Variants in TRIP13 observed in about 807,000 individuals in gnomAD.
TRIP13 encodes pachytene checkpoint protein 2 homolog.
TRIP13 carries 25 observed loss-of-function variants against 54.4 expected under a neutral mutation model. That is an observed-to-expected ratio of 0.46 (90% CI 0.33 to 0.64). TRIP13 has a LOEUF of 0.64. TRIP13 is among the 30% of genes least tolerant of loss of function. The probability of loss-of-function intolerance (pLI) is 0.02; values close to 1 mark genes in which losing one functional copy is unlikely to be tolerated. For synonymous variants in TRIP13, 207 were observed against 207.8 expected (o/e 1.00, Z 0.03); for missense variants, 373 against 534.2 (o/e 0.70, Z 2.97).
intron 12 of TRIP13, 80 bp downstream of exon 12, chr5:916,053 G>T: frequency 7.2e-7 from 1 of 1,396,796 alleles, no homozygotes; most frequent in Admixed American, 1.7e-5. Context: ...TAGTAGCCCT[G>T]GGGTATCAGC....
Position 907,948 on chromosome 5 carries a change from G to T in TRIP13, c.673-40G>T. 6.3e-7 allele frequency: 1 copy of T among 1,599,656 alleles called. No homozygotes were observed. The highest frequency in any genetic ancestry group is 1.7e-5 in the Admixed American group (1 of 60,010). On this transcript the variant is annotated intron_variant, in intron 7 of 12. Transcript: ENST00000166345. The surrounding 1 kb of genome is among the most constrained non-coding windows in gnomAD (Gnocchi z 4.1). ...GTCCCCCTGTGCACCTGGCAGTGTGGTCCCTGCACGTTGACACTAAAAGGG... is the reference window on the plus strand; with the variant it reads ...GTCCCCCTGTGCACCTGGCAGTGTGTTCCCTGCACGTTGACACTAAAAGGG...
rs1450811633 is a variant in TRIP13, at chr5:912,277, T to C, written c.1020+281T>C. ...AGGGGACGTCAGTGACCGGCTGTGT[T>C]TACCTGGCTGGCTGCACAAACCTTA... On this transcript the variant is annotated intron_variant, in intron 10 of 12. Coordinates refer to ENST00000166345, the MANE Select transcript of TRIP13 (RefSeq NM_004237.4). The surrounding 1 kb of genome is among the most constrained non-coding windows in gnomAD (Gnocchi z 7.2). Among the ~76,000 whole-genome samples, 1 of 151,932 alleles carries C rather than the reference T, an allele frequency of 6.6e-6. No homozygotes were observed. Among genetic ancestry groups the C allele is most frequent in the African/African-American group, 2.4e-5 (1 of 41,354 alleles).
At chr5:916,175 C>T (rs1035078735) in intron 12 of TRIP13, among the ~76,000 whole-genome samples, 4 of 152,210 alleles carry the variant, frequency 2.6e-5, no homozygotes, top group Non-Finnish European at 5.9e-5. Context: ...GCGGCTGTGC[C>T]ACATGCCTCT....
intron 9 of TRIP13, among the ~76,000 whole-genome samples, chr5:910,261 C>T (rs777929155): frequency 6.6e-6 from 1 of 152,230 alleles, no homozygotes; most frequent in Admixed American, 6.5e-5. Context: ...CCCTGAATCT[C>T]TTTGTGCCTC....
At chr5:905,280 C>T (rs907707182) in intron 6 of TRIP13, among the ~76,000 whole-genome samples, 1 of 152,152 alleles carries the variant, frequency 6.6e-6, no homozygotes, top group Non-Finnish European at 1.5e-5. Flanking sequence ...CTCCTCTCAG[C>T]CTGTGTGAGG....
rs1754052301 is a variant in TRIP13, at chr5:904,004, T to C, written c.536-144T>C. 6.0e-6 allele frequency: 4 copies of C among 666,446 alleles called. No individual in the cohort carries two copies. In the Admixed American group the frequency reaches 1.5e-4, roughly 24 times the overall value. The allele number at this position is 666,446 out of a possible 1,614,324, so 41.3% of individuals were successfully genotyped here. On this transcript the variant is annotated intron_variant, in intron 5 of 12. Coordinates refer to ENST00000166345, the MANE Select transcript of TRIP13 (RefSeq NM_004237.4). ...GGTAATATTTCATAGCATTTAAGTTTCTAAGCAGACTTCATTGTAGTAATA... is the reference window on the plus strand; with the variant it reads ...GGTAATATTTCATAGCATTTAAGTTCCTAAGCAGACTTCATTGTAGTAATA...
chr5:910,375 G>A (rs1254801056), intron 9 of TRIP13, among the ~76,000 whole-genome samples: 1 of 152,170 alleles, frequency 6.6e-6, no homozygotes, highest in African/African-American at 2.4e-5. Context: ...CCTGGCGTGT[G>A]CCCCTTCAGC....
downstream of TRIP13, chr5:919,158 A>G (rs1175934270): frequency 1.3e-5 from 2 of 152,240 alleles, no homozygotes; most frequent in Non-Finnish European, 2.9e-5. Flanking sequence ...GAGGATGAGT[A>G]TGGGTGAGGT....
intron 2 of TRIP13, among the ~76,000 whole-genome samples, chr5:896,180 G>A (rs776065428): frequency 6.6e-6 from 1 of 152,186 alleles, no homozygotes; most frequent in African/African-American, 2.4e-5. Flanking sequence ...CAGTGCGGTG[G>A]CGCACACTTG....
rs138329487 is a variant in TRIP13, at chr5:912,800, T to C, written c.1020+804T>C. Among the ~76,000 whole-genome samples the C allele has an allele frequency of 1.9e-3, 284 of 152,350 alleles. No homozygotes were observed. Among genetic ancestry groups the C allele is most frequent in the African/African-American group, 6.3e-3 (263 of 41,580 alleles). On this transcript the variant is annotated intron_variant, in intron 10 of 12. Transcript: ENST00000166345. This position sits in a 1 kb window ranked among gnomAD's most constrained non-coding sequence, Gnocchi z 7.2. The stretch of plus-strand genomic sequence containing the variant: ...TGCCCCATGCTTGTGTTTCTGCTGC[T>C]CTAGCCCCTGTGGGAACAGACCTGT...
intron 9 of TRIP13, among the ~76,000 whole-genome samples, chr5:909,284 C>A (rs80166273): frequency 6.6e-6 from 1 of 152,168 alleles, no homozygotes; most frequent in African/African-American, 2.4e-5. Flanking sequence ...AAGTGATGGG[C>A]GAGCCAGAAC....
rs1442500909 is a variant in TRIP13 at position 913,441 on chromosome 5, C to T, written c.1021-1024C>T. Among the ~76,000 whole-genome samples, 3 of 152,142 alleles carry T rather than the reference C, an allele frequency of 2.0e-5. No homozygotes were observed. Among genetic ancestry groups the T allele is most frequent in the African/African-American group, 4.8e-5 (2 of 41,418 alleles). ...TGCCATCGCAGCTCACTGCAACCTC[C>T]GCCTCCTGGGTTCAAGCGATTCTCG... On this transcript the variant is annotated intron_variant, in intron 10 of 12. Coordinates refer to ENST00000166345, the MANE Select transcript of TRIP13 (RefSeq NM_004237.4). This position sits in a 1 kb window ranked among gnomAD's most constrained non-coding sequence, Gnocchi z 4.5.
chr5:896,825 G>A lies in TRIP13; in HGVS notation c.388+31G>A, dbSNP rs537715885. The A allele has an allele frequency of 1.9e-6, 3 of 1,605,786 alleles. No individual in the cohort carries two copies. The East Asian group carries it at 6.7e-5, about 36-fold the overall frequency. On this transcript the variant is annotated intron_variant, in intron 3 of 12. Coordinates refer to ENST00000166345, the MANE Select transcript of TRIP13 (RefSeq NM_004237.4). ...GGGTGTGATGGGAGTTGAAGGGGAG[G>A]CTGAGGTCAGAGGATTGTATACTCC...
rs922147806 is a variant in TRIP13 at position 911,427 on chromosome 5, C to T, written c.867-416C>T. Among the ~76,000 whole-genome samples, 10 of 152,264 alleles carry T rather than the reference C, an allele frequency of 6.6e-5. No homozygotes were observed. The East Asian group carries it at 7.7e-4, about 12-fold the overall frequency. On this transcript the variant is annotated intron_variant, in intron 9 of 12. Transcript: ENST00000166345. The surrounding 1 kb of genome is among the most constrained non-coding windows in gnomAD (Gnocchi z 4.7). ...TCCACTAAAAATACAAAAAATTAGC[C>T]GGGCACGGTGGCGGGCGCCTGTAGT...
At chr5:909,694 A>G (rs1301001587) in intron 9 of TRIP13, among the ~76,000 whole-genome samples, 1 of 152,260 alleles carries the variant, frequency 6.6e-6, no homozygotes, top group African/African-American at 2.4e-5. Flanking sequence ...GTATTTATTA[A>G]CAGCAAGCCA....
chr5:904,058 A>T, intron 5 of TRIP13, 90 bp from the exon 6 acceptor site: 1 of 1,197,010 alleles, frequency 8.4e-7, no homozygotes, highest in Non-Finnish European at 1.2e-6. Context: ...TGTATTCCTT[A>T]TATTTTATGG....
chr5:896,812 A>C lies in TRIP13; in HGVS notation c.388+18A>C. On this transcript the variant is annotated intron_variant, in intron 3 of 12. Coordinates refer to ENST00000166345, the MANE Select transcript of TRIP13 (RefSeq NM_004237.4). ...ACCTGCAGGTATGGGGTGTGATGGG[A>C]GTTGAAGGGGAGGCTGAGGTCAGAG... is the stretch of plus-strand genomic sequence containing the variant. The C allele has an allele frequency of 1.2e-6, 2 of 1,610,798 alleles. No individual in the cohort carries two copies. Among genetic ancestry groups the C allele is most frequent in the Non-Finnish European group, 1.7e-6 (2 of 1,178,204 alleles).
chr5:917,789 C>T lies in TRIP13; in HGVS notation c.*686C>T, dbSNP rs1253622432. ...TCCCTTGTAACCCGGTATGGGCGCC[C>T]CTGCATTGCTGGGATGTTTCTGCCC... On this transcript the variant is annotated 3_prime_UTR_variant, in exon 13 of 13. Transcript: ENST00000166345. The T allele has an allele frequency of 6.6e-6, 1 of 152,146 alleles. No homozygotes were observed. Among genetic ancestry groups the T allele is most frequent in the Non-Finnish European group, 1.5e-5 (1 of 68,038 alleles). The allele number at this position is 152,146 out of a possible 1,614,324, so 9.4% of individuals were successfully genotyped here.
In TRIP13 at chr5:914,820, C is replaced by CGT. The variant is rs58555902; in HGVS notation, c.1133+243_1133+244insGT. Among the ~76,000 whole-genome samples the CGT allele has an allele frequency of 0.089, 13,476 of 152,160 alleles. 911 individuals are homozygous for CGT. Among genetic ancestry groups the CGT allele is most frequent in the African/African-American group, 0.19 (8,000 of 41,468 alleles). On this transcript the variant is annotated intron_variant, in intron 11 of 12. Transcript: ENST00000166345. ...CTTGCTCAGGGAGGGCGCTGGCTCACACTGGAAGCCTGCAACCCTACGGCT... is the reference window on the plus strand; with the variant it reads ...CTTGCTCAGGGAGGGCGCTGGCTCACGTACTGGAAGCCTGCAACCCTACGGCT...
Sources: allele counts gnomAD v4.1 joint callset (sites outside exome capture counted in the v4.1 genomes callset), GRCh38; gene constraint gnomAD v4.1.1; non-coding constraint Gnocchi (gnomAD v3.1); transcripts MANE v1.5; gene names NCBI Gene and HGNC (gene_info 2026-07-23, HGNC 2026-07-21).